NAA35: variants seen among roughly 807,000 people sequenced by gnomAD.
NAA35 encodes the protein MAK10 homolog, amino-acid N-acetyltransferase subunit.
A neutral mutation model predicts 101.7 loss-of-function variants in NAA35; 18 were observed. That is an observed-to-expected ratio of 0.18 (90% CI 0.12 to 0.26). The LOEUF (loss-of-function observed/expected upper bound fraction) is 0.26, where lower values mean the gene tolerates loss of function less well. Ranked by LOEUF, NAA35 falls within the 10% of genes least tolerant of loss-of-function variation. NAA35 has a pLI of 1.00. For synonymous variants in NAA35, 267 were observed against 273.1 expected (o/e 0.98, Z 0.22); for missense variants, 601 against 886.8 (o/e 0.68, Z 4.09).
At chr9:85,959,403 T>G (rs1829417192) in intron 4 of NAA35, among the ~76,000 whole-genome samples, 2 of 150,396 alleles carry the variant, frequency 1.3e-5, no homozygotes, top group South Asian at 2.1e-4. Context: ...AAAAAAAAAC[T>G]TTAGTTTTCT....
chr9:86,012,321 C>T (rs1831980588), intron 15 of NAA35, among the ~76,000 whole-genome samples: 1 of 151,570 alleles, frequency 6.6e-6, no homozygotes, highest in African/African-American at 2.4e-5. Flanking sequence ...GTTTCACCAC[C>T]AACAGTCACA....
chr9:85,947,289 GAA>G (rs1285601197), intron 2 of NAA35, among the ~76,000 whole-genome samples: 1 of 151,976 alleles, frequency 6.6e-6, no homozygotes, highest in Non-Finnish European at 1.5e-5. Context: ...AAAAATTATG[GAA>G]AAAATACAAA....
rs1398233186 is a variant in NAA35, at chr9:85,975,964, A to T, written c.628-721A>T. Among the ~76,000 whole-genome samples the T allele has an allele frequency of 2.0e-5, 3 of 149,128 alleles. No individual in the cohort carries two copies. The Admixed American group carries it at 2.0e-4, about 10-fold the overall frequency. The stretch of plus-strand genomic sequence containing the variant: ...GATGGGGGAAAAGTTATATTTCTAC[A>T]TTTTTTTTTTAACACTAGTATGACA... On this transcript the variant is annotated intron_variant, in intron 8 of 22. Transcript: ENST00000361671.
chr9:86,018,620 A>G, intron 20 of NAA35, 79 bp from the exon 21 acceptor site: 1 of 1,531,670 alleles, frequency 6.5e-7, no homozygotes. Flanking sequence ...AAAATGTAGA[A>G]TTCTTTAATA....
At chr9:85,977,855 AT>A (rs1830278034) in intron 10 of NAA35, among the ~76,000 whole-genome samples, 1 of 152,072 alleles carries the variant, frequency 6.6e-6, no homozygotes, top group South Asian at 2.1e-4. Context: ...TTACAGATTA[AT>A]TTGTGAATAA....
chr9:86,022,009 C>T lies in NAA35; in HGVS notation c.*49C>T. On this transcript the variant is annotated 3_prime_UTR_variant, in exon 23 of 23. Coordinates refer to ENST00000361671, the MANE Select transcript of NAA35 (RefSeq NM_024635.4). ...AAGGGGCAGAGTCTTCTTTCAGACC[C>T]AACTCTTAGAGGGCACATCACCAGG... 1 of 1,457,604 alleles carries T rather than the reference C, an allele frequency of 6.9e-7. No homozygotes were observed. The highest frequency in any genetic ancestry group is 1.7e-5 in the Admixed American group (1 of 57,942). The allele number at this position is 1,457,604 out of a possible 1,614,324, so 90.3% of individuals were successfully genotyped here.
At chr9:85,946,802 C>T (rs1828784049) in intron 2 of NAA35, among the ~76,000 whole-genome samples, 1 of 151,816 alleles carries the variant, frequency 6.6e-6, no homozygotes. Context: ...TTTGTTCATT[C>T]CTCCGTAGTC....
At chr9:85,982,877 A>G (rs1830490182) in intron 11 of NAA35, among the ~76,000 whole-genome samples, 1 of 152,246 alleles carries the variant, frequency 6.6e-6, no homozygotes, top group African/African-American at 2.4e-5. Flanking sequence ...AAACAGAAGG[A>G]CATTGACTTA....
chr9:85,989,585 A>C (rs1283902692), intron 11 of NAA35, among the ~76,000 whole-genome samples: 3 of 152,238 alleles, frequency 2.0e-5, no homozygotes, highest in African/African-American at 4.8e-5. Flanking sequence ...ATATTTTTAA[A>C]CTAGCAAGAA....
chr9:86,019,934 T>C (rs1379430477), intron 21 of NAA35, among the ~76,000 whole-genome samples: 1 of 152,198 alleles, frequency 6.6e-6, no homozygotes, highest in Non-Finnish European at 1.5e-5. Flanking sequence ...AGGGGACTAA[T>C]AAATTATGAT....
Position 86,018,837 on chromosome 9 carries a change from C to T in NAA35, c.2037+16C>T. 1 of 1,608,146 alleles carries T rather than the reference C, an allele frequency of 6.2e-7. No individual in the cohort carries two copies. Among genetic ancestry groups the T allele is most frequent in the African/African-American group, 1.3e-5 (1 of 74,670 alleles). ...GGACCATGAGGTGAGACTGGATTCA[C>T]AGTAATTCTAGGGGAAAAGCGTGGC... On this transcript the variant is annotated intron_variant, in intron 21 of 22. Coordinates refer to ENST00000361671, the MANE Select transcript of NAA35 (RefSeq NM_024635.4).
chr9:85,964,070 C>T (rs1829636674), intron 6 of NAA35, among the ~76,000 whole-genome samples: 1 of 150,218 alleles, frequency 6.7e-6, no homozygotes, highest in South Asian at 2.1e-4. Context: ...AACAGGCACT[C>T]AAATACTCTA....
intron 2 of NAA35, among the ~76,000 whole-genome samples, chr9:85,946,115 T>TA (rs368853035): frequency 1.3e-4 from 20 of 149,868 alleles, no homozygotes; most frequent in Non-Finnish European, 2.1e-4. Flanking sequence ...CTTGCTTTCT[T>TA]AAAAAAAAAA....
intron 6 of NAA35, among the ~76,000 whole-genome samples, chr9:85,972,692 C>G (rs756132730): frequency 7.9e-5 from 12 of 152,032 alleles, no homozygotes; most frequent in Non-Finnish European, 1.5e-4. Context: ...TCCAATTTGC[C>G]AGTCTCTACC....
chr9:86,001,362 G>A (rs933735357), intron 12 of NAA35, among the ~76,000 whole-genome samples: 7 of 152,122 alleles, frequency 4.6e-5, no homozygotes, highest in Admixed American at 1.3e-4. Flanking sequence ...ATATTCTGTT[G>A]TTTTTGGGTG....
intron 2 of NAA35, among the ~76,000 whole-genome samples, chr9:85,943,337 A>G (rs1371116912): frequency 6.6e-6 from 1 of 152,140 alleles, no homozygotes; most frequent in Admixed American, 6.6e-5. Context: ...GGATGAAGAT[A>G]AAAGTATATT....
Position 86,013,131 on chromosome 9 carries a change from C to T in NAA35, c.1376C>T (p.Thr459Ile). The T allele has an allele frequency of 6.3e-7, 1 of 1,592,408 alleles. No individual in the cohort carries two copies. Among genetic ancestry groups the T allele is most frequent in the Non-Finnish European group, 8.6e-7 (1 of 1,164,952 alleles). The change falls in exon 16 of 23, where the codon ACC becomes ATC. Residue 459 changes from threonine to isoleucine, a missense_variant. By Grantham distance (89) the Thr-to-Ile change is moderately conservative. Coordinates refer to ENST00000361671, the MANE Select transcript of NAA35 (RefSeq NM_024635.4). ...KLGHILEEFATLQDEAEKVDA... is the reference protein window; with the variant it reads ...KLGHILEEFAILQDEAEKVDA... ...GGTCATATTCTTGAGGAATTTGCCACCTTGCAGGATGAGGTAAGAGCCAGG... is the reference window on the plus strand; with the variant it reads ...GGTCATATTCTTGAGGAATTTGCCATCTTGCAGGATGAGGTAAGAGCCAGG...
chr9:85,950,134 T>A (rs1828950573), intron 2 of NAA35, among the ~76,000 whole-genome samples: 1 of 152,226 alleles, frequency 6.6e-6, no homozygotes, highest in Non-Finnish European at 1.5e-5. Flanking sequence ...CTATACAAGA[T>A]CATGATTCTG....
Position 85,950,858 on chromosome 9 carries a change from C to T in NAA35, c.125-5502C>T, listed in dbSNP as rs141888563. Among the ~76,000 whole-genome samples, 21 of 152,078 alleles carry T rather than the reference C, an allele frequency of 1.4e-4. No individual in the cohort carries two copies. In the East Asian group the frequency reaches 3.9e-3, roughly 28 times the overall value. The stretch of plus-strand genomic sequence containing the variant: ...TATCCATTTAAAAATGATGATGGGC[C>T]GGGCACGGTGGCTCACGCCTGTAAT... On this transcript the variant is annotated intron_variant, in intron 2 of 22. Coordinates refer to ENST00000361671, the MANE Select transcript of NAA35 (RefSeq NM_024635.4).
Sources: gnomAD v4.1 joint callset for allele counts (sites outside exome capture counted in the v4.1 genomes callset) on GRCh38, gnomAD v4.1.1 for gene constraint, MANE v1.5 for transcripts, NCBI Gene and HGNC (gene_info 2026-07-23, HGNC 2026-07-21) for gene names.